RBFOX1: variants seen among roughly 807,000 people sequenced by gnomAD.
RBFOX1 encodes RNA binding protein fox-1 homolog 1.
RBFOX1 carries 8 observed loss-of-function variants against 57.7 expected under a neutral mutation model. The observed-to-expected ratio is 0.14, with a 90% CI of 0.08 to 0.25. The LOEUF is 0.25. Among genes scored for constraint, RBFOX1 ranks in the 10% least tolerant of loss-of-function variants. The pLI, the probability that RBFOX1 is intolerant of heterozygous loss-of-function variation, is 1.00. For synonymous variants in RBFOX1, 326 were observed against 222.4 expected, an observed-to-expected ratio of 1.47 and a Z score of -4.15; for missense variants, 611 against 548.5, an observed-to-expected ratio of 1.11 and a Z score of -1.14.
At chr16:6,459,910 A>G (rs2534759) in intron 2 of RBFOX1, among the ~76,000 whole-genome samples, 73,166 of 146,462 alleles carry the variant, frequency 0.5, 18,336 homozygotes, top group East Asian at 0.72. Flanking sequence ...CTTGAACCTG[A>G]GAGGCGGAGG....
At chr16:6,985,800 C>T (rs1472151364) in intron 3 of RBFOX1, among the ~76,000 whole-genome samples, 1 of 135,584 alleles carries the variant, frequency 7.4e-6, no homozygotes, top group Non-Finnish European at 1.5e-5. Context: ...TGCTACTGCA[C>T]TCCGGCCTGG....
chr16:5,914,378 A>G (rs1387343864), intron 4 of RBFOX1, among the ~76,000 whole-genome samples: 1 of 152,184 alleles, frequency 6.6e-6, no homozygotes, highest in Non-Finnish European at 1.5e-5. Flanking sequence ...GTTTGCATTT[A>G]TGCTGTCAGC....
chr16:7,296,574 G>T (rs773825140), intron 4 of RBFOX1, among the ~76,000 whole-genome samples: 8 of 152,124 alleles, frequency 5.3e-5, no homozygotes, highest in African/African-American at 1.7e-4. Context: ...TCATGTTCAC[G>T]ATAGCTTGCA....
intron 4 of RBFOX1, among the ~76,000 whole-genome samples, chr16:7,059,957 T>C (rs1054475569): frequency 2.6e-5 from 4 of 152,208 alleles, no homozygotes; most frequent in Non-Finnish European, 5.9e-5. Context: ...TCAAAAATTA[T>C]TTTGCTTAGC....
intron 3 of RBFOX1, among the ~76,000 whole-genome samples, chr16:5,656,848 C>T (rs377186829): frequency 3.9e-5 from 6 of 152,184 alleles, no homozygotes; most frequent in African/African-American, 7.2e-5. Context: ...AACCAAATAC[C>T]GCATGTTCTC....
chr16:7,374,613 G>C (rs1046868302), intron 4 of RBFOX1, among the ~76,000 whole-genome samples: 1 of 152,088 alleles, frequency 6.6e-6, no homozygotes, highest in Non-Finnish European at 1.5e-5. Flanking sequence ...GAGATGAAGG[G>C]TGATTGTCAT....
intron 2 of RBFOX1, among the ~76,000 whole-genome samples, chr16:6,601,511 G>T (rs1042289330): frequency 6.6e-6 from 1 of 152,104 alleles, no homozygotes; most frequent in African/African-American, 2.4e-5. Context: ...CCAGCGTAAG[G>T]ATCCTGGACC....
At chr16:6,766,525 C>A (rs560220048) in intron 3 of RBFOX1, among the ~76,000 whole-genome samples, 2 of 151,714 alleles carry the variant, frequency 1.3e-5, no homozygotes, top group Non-Finnish European at 2.9e-5. Context: ...TAGCACTGTC[C>A]AATAGAACTT....
intron 3 of RBFOX1, among the ~76,000 whole-genome samples, chr16:5,734,216 C>T (rs923338397): frequency 3.9e-5 from 6 of 152,112 alleles, no homozygotes; most frequent in African/African-American, 7.2e-5. Flanking sequence ...GCAATCTTAG[C>T]GCTTTGAGAG....
intron 3 of RBFOX1, among the ~76,000 whole-genome samples, chr16:6,978,176 A>T (rs1004994228): frequency 1.3e-5 from 2 of 152,056 alleles, no homozygotes; most frequent in African/African-American, 4.8e-5. Flanking sequence ...CAGTGGAGGT[A>T]ATTAGCCAGC....
intron 2 of RBFOX1, among the ~76,000 whole-genome samples, chr16:5,537,492 G>C (rs969351332): frequency 1.1e-4 from 16 of 152,360 alleles, no homozygotes; most frequent in African/African-American, 3.6e-4. Flanking sequence ...GGTGTTGGCA[G>C]AACTTCCTTA....
chr16:6,146,026 C>G lies in RBFOX1; in HGVS notation c.-127+126034C>G, dbSNP rs568353580. ...GCAGTGTGGAGGTTAAGATGATAAT[C>G]TAAGGCCAGAGACAGCGTCCAGCTA... On this transcript the variant is annotated intron_variant, in intron 1 of 15. Coordinates refer to ENST00000550418, the MANE Select transcript of RBFOX1 (RefSeq NM_018723.4). Among the ~76,000 whole-genome samples the G allele has an allele frequency of 3.3e-5, 5 of 152,320 alleles. No individual in the cohort carries two copies. In the East Asian group the frequency reaches 9.7e-4, roughly 29 times the overall value.
intron 1 of RBFOX1, among the ~76,000 whole-genome samples, chr16:5,246,269 C>G (rs1470583287): frequency 1.3e-5 from 2 of 152,030 alleles, no homozygotes; most frequent in African/African-American, 2.4e-5. Flanking sequence ...AAATAAAATT[C>G]TGAATTTTAT....
At chr16:6,025,485 A>G (rs1213993667) in intron 1 of RBFOX1, among the ~76,000 whole-genome samples, 1 of 152,222 alleles carries the variant, frequency 6.6e-6, no homozygotes, top group Non-Finnish European at 1.5e-5. Flanking sequence ...CTCCCTTCAA[A>G]GAGGCAACAT....
chr16:7,209,796 T>C (rs2090755392), intron 4 of RBFOX1, among the ~76,000 whole-genome samples: 2 of 152,284 alleles, frequency 1.3e-5, no homozygotes, highest in South Asian at 4.1e-4. Context: ...CAGCCAAATG[T>C]TGAATGAATG....
chr16:6,935,667 AT>A (rs2077243886), intron 3 of RBFOX1, among the ~76,000 whole-genome samples: 1 of 152,206 alleles, frequency 6.6e-6, no homozygotes, highest in Non-Finnish European at 1.5e-5. Context: ...CTTAAATGTA[AT>A]GTGCCTTATT....
At chr16:6,131,042 G>GCC (rs2096626071) in intron 1 of RBFOX1, among the ~76,000 whole-genome samples, 1 of 152,102 alleles carries the variant, frequency 6.6e-6, no homozygotes. Flanking sequence ...AGCGTAAGAG[G>GCC]CCAGATAGGC....
intron 4 of RBFOX1, among the ~76,000 whole-genome samples, chr16:7,062,330 A>AG (rs2054599707): frequency 6.6e-6 from 1 of 150,464 alleles, no homozygotes; most frequent in African/African-American, 2.5e-5. Flanking sequence ...AAAAAAAAAA[A>AG]AAAAAAAAGA....
intron 2 of RBFOX1, among the ~76,000 whole-genome samples, chr16:6,469,661 TC>T (rs2095130521): frequency 1.3e-5 from 2 of 152,336 alleles, no homozygotes; most frequent in African/African-American, 4.8e-5. Context: ...TCACATTTTT[TC>T]CTCCTCCTGT....
Sources: gnomAD v4.1 joint callset for allele counts (sites outside exome capture counted in the v4.1 genomes callset) on GRCh38, gnomAD v4.1.1 for gene constraint, MANE v1.5 for transcripts, NCBI Gene and HGNC (gene_info 2026-07-23, HGNC 2026-07-21) for gene names.